Variants in TTC13 observed in about 807,000 individuals in gnomAD.
TTC13 encodes tetratricopeptide repeat domain 13.
In TTC13, 62 loss-of-function variants were observed where a neutral mutation model predicts 120.0. That is an observed-to-expected ratio of 0.52 (90% CI 0.42 to 0.64). The LOEUF is 0.64. TTC13 is among the 30% of genes least tolerant of loss of function. The pLI is 0.00. For missense variants in TTC13, 824 were observed against 1,050.2 expected, an observed-to-expected ratio of 0.78 and a Z score of 2.98; for synonymous variants, 384 against 393.5, an observed-to-expected ratio of 0.98 and a Z score of 0.28.
chr1:230,976,782 C>G (rs1046469224), intron 1 of TTC13, among the ~76,000 whole-genome samples: 1 of 152,188 alleles, frequency 6.6e-6, no homozygotes, highest in Non-Finnish European at 1.5e-5. Flanking sequence ...TAATACAAGT[C>G]AGAGCTGGCT....
In TTC13 at chr1:230,971,036, T is replaced by G. The variant is rs138406874; in HGVS notation, c.271+7524A>C. On this transcript the variant is annotated intron_variant, in intron 1 of 22. Transcript: ENST00000366661. ...TTGTAGTGCCTTTTGCTTTTATCAATTTCTGCACTTATAAGACAACCACAG... is the reference window on the plus strand; with the variant it reads ...TTGTAGTGCCTTTTGCTTTTATCAAGTTCTGCACTTATAAGACAACCACAG... Among the ~76,000 whole-genome samples, 1,260 of 152,248 alleles carry G rather than the reference T, an allele frequency of 8.3e-3. 9 individuals carry two copies. Among genetic ancestry groups the G allele is most frequent in the Non-Finnish European group, 0.011 (780 of 68,016 alleles).
At chr1:230,945,491 A>C (rs1674902418) in intron 4 of TTC13, 37 bp from the exon 5 acceptor site, 2 of 1,580,158 alleles carry the variant, frequency 1.3e-6, no homozygotes, top group East Asian at 4.5e-5. Flanking sequence ...CAAAAACCAT[A>C]AACAAAACAA....
At chr1:230,929,606 G>A (rs1452371852) in intron 11 of TTC13, among the ~76,000 whole-genome samples, 3 of 152,100 alleles carry the variant, frequency 2.0e-5, no homozygotes, top group Admixed American at 6.5e-5. Flanking sequence ...GAGCCACCGC[G>A]CCTGGCCTAG....
chr1:230,920,388 C>G (rs569532493), intron 17 of TTC13, 122 bp downstream of exon 17: 1 of 650,414 alleles, frequency 1.5e-6, no homozygotes, highest in East Asian at 3.0e-5. Flanking sequence ...GGTTATTATT[C>G]AGAATGTGTT....
chr1:230,929,775 T>G (rs1200474469), intron 11 of TTC13, among the ~76,000 whole-genome samples: 2 of 152,230 alleles, frequency 1.3e-5, no homozygotes, highest in African/African-American at 2.4e-5. Flanking sequence ...AACCGACTAA[T>G]GGACTGCTGC....
chr1:230,910,953 G>A (rs769400258), intron 20 of TTC13, among the ~76,000 whole-genome samples: 1 of 151,636 alleles, frequency 6.6e-6, no homozygotes, highest in Non-Finnish European at 1.5e-5. Context: ...GGGAAAAGGA[G>A]AATGAAATGA....
chr1:230,920,611 G>C lies in TTC13; in HGVS notation c.1899-17C>G, dbSNP rs1348602130. On this transcript the variant is annotated splice_polypyrimidine_tract_variant and intron_variant, in intron 16 of 22. Transcript: ENST00000366661. Reference sequence around the variant, plus strand: ...TTATTAGCTCTTAAAGAGAGACAGAGAGAGATGGCAACTGAGATTAATGCA... The same window carrying C: ...TTATTAGCTCTTAAAGAGAGACAGACAGAGATGGCAACTGAGATTAATGCA... 1 of 1,460,832 alleles carries C rather than the reference G, an allele frequency of 6.8e-7. No individual in the cohort carries two copies. The highest frequency in any genetic ancestry group is 9.2e-7 in the Non-Finnish European group (1 of 1,081,590). The allele number at this position is 1,460,832 out of a possible 1,614,324, so 90.5% of individuals were successfully genotyped here. A position where few individuals can be genotyped will look rare whatever the true frequency, so the allele number is the denominator to read the frequency against.
intron 11 of TTC13, 138 bp downstream of exon 11, chr1:230,931,160 G>C: frequency 1.3e-6 from 1 of 740,970 alleles, no homozygotes; most frequent in Non-Finnish European, 2.2e-6. Flanking sequence ...CACTAGCACT[G>C]ACAAGGTGTG....
chr1:230,959,628 G>A lies in TTC13; in HGVS notation c.367-1329C>T, dbSNP rs570632219. 1.1e-4 allele frequency among the ~76,000 whole-genome samples: 17 copies of A among 152,256 alleles called. No homozygotes were observed. The South Asian group carries it at 2.7e-3, about 24-fold the overall frequency. On this transcript the variant is annotated intron_variant, in intron 2 of 22. Coordinates refer to ENST00000366661, the MANE Select transcript of TTC13 (RefSeq NM_024525.5). ...ACTCCTGACCTCAGGTGATCCACCC[G>A]CCTTGGCCTCCCAAAGTGCTGGGAT... is the stretch of plus-strand genomic sequence containing the variant.
intron 16 of TTC13, among the ~76,000 whole-genome samples, chr1:230,920,803 C>T (rs1672510175): frequency 6.6e-6 from 1 of 152,106 alleles, no homozygotes; most frequent in Admixed American, 6.5e-5. Flanking sequence ...GAAACAGCAG[C>T]AGATGAGAAT....
At chr1:230,910,409 C>T (rs185617902) in intron 20 of TTC13, among the ~76,000 whole-genome samples, 1 of 152,312 alleles carries the variant, frequency 6.6e-6, no homozygotes, top group African/African-American at 2.4e-5. Context: ...TCGGCTTAAA[C>T]CCATGGTTTT....
At chr1:230,911,883 G>A (rs1671543809) in intron 19 of TTC13, among the ~76,000 whole-genome samples, 1 of 152,128 alleles carries the variant, frequency 6.6e-6, no homozygotes, top group Admixed American at 6.5e-5. Context: ...CACCAAATAT[G>A]TTCTCTCAAA....
chr1:230,950,940 A>G (rs1675512395), intron 4 of TTC13, among the ~76,000 whole-genome samples: 2 of 152,250 alleles, frequency 1.3e-5, no homozygotes, highest in South Asian at 4.1e-4. Flanking sequence ...AAATGACTTC[A>G]GGGCATTGGC....
At chr1:230,914,513 G>A (rs1175429507) in intron 18 of TTC13, among the ~76,000 whole-genome samples, 2 of 151,994 alleles carry the variant, frequency 1.3e-5, no homozygotes, top group African/African-American at 2.4e-5. Context: ...TCCTGCCTCA[G>A]CCTCCAGAGT....
intron 9 of TTC13, among the ~76,000 whole-genome samples, 200 bp downstream of exon 9, chr1:230,933,579 G>T (rs1373706495): frequency 6.6e-6 from 1 of 152,178 alleles, no homozygotes; most frequent in Non-Finnish European, 1.5e-5. Flanking sequence ...AGAGAATACT[G>T]TGCATCATGA....
chr1:230,924,755 G>C, intron 14 of TTC13, 86 bp downstream of exon 14: 1 of 1,515,296 alleles, frequency 6.6e-7, no homozygotes, highest in Admixed American at 1.7e-5. Flanking sequence ...AAGCAAAACA[G>C]GGTTCATAGC....
rs1456591851 is a variant in TTC13 at position 230,944,020 on chromosome 1, T to C, written c.580-122A>G. The C allele has an allele frequency of 1.3e-4, 63 of 500,866 alleles. No homozygotes were observed. In the Admixed American group the frequency reaches 2.3e-3, roughly 18 times the overall value. The allele number at this position is 500,866 out of a possible 1,614,324, so 31.0% of individuals were successfully genotyped here. On this transcript the variant is annotated intron_variant, in intron 5 of 22. Coordinates refer to ENST00000366661, the MANE Select transcript of TTC13 (RefSeq NM_024525.5). This position sits in a 1 kb window ranked among gnomAD's most constrained non-coding sequence, Gnocchi z 4.0. Reference sequence around the variant, plus strand: ...CAATTGTTTAAAAATAAATATGAACTTCACTTCTATGTAAGAGATGTGCCA... The same window carrying C: ...CAATTGTTTAAAAATAAATATGAACCTCACTTCTATGTAAGAGATGTGCCA...
At chr1:230,932,579 T>A (rs1386530523) in intron 9 of TTC13, among the ~76,000 whole-genome samples, 1 of 152,202 alleles carries the variant, frequency 6.6e-6, no homozygotes, top group Non-Finnish European at 1.5e-5. Context: ...GAACATTTTT[T>A]AAAAATATAA....
At chr1:230,953,791 T>C (rs1220736286) in intron 4 of TTC13, among the ~76,000 whole-genome samples, 2 of 152,228 alleles carry the variant, frequency 1.3e-5, no homozygotes, top group African/African-American at 4.8e-5. Flanking sequence ...AGTGCTTAAA[T>C]GCTTTATCTT....
Sources: allele counts gnomAD v4.1 joint callset (sites outside exome capture counted in the v4.1 genomes callset), GRCh38; gene constraint gnomAD v4.1.1; non-coding constraint Gnocchi (gnomAD v3.1); transcripts MANE v1.5; gene names NCBI Gene and HGNC (gene_info 2026-07-23, HGNC 2026-07-21).